ULK4: variants seen among roughly 807,000 people sequenced by gnomAD.
The protein encoded by ULK4 is unc-51 like kinase 4.
ULK4 carries 133 observed loss-of-function variants against 160.6 expected under a neutral mutation model. That is an observed-to-expected ratio of 0.83 (90% CI 0.72 to 0.96). The LOEUF (loss-of-function observed/expected upper bound fraction) is 0.96. Ranked by LOEUF, ULK4 falls within the 40% of genes least tolerant of loss-of-function variation. The probability of loss-of-function intolerance (pLI) is 0.00; values close to 1 mark genes in which losing one functional copy is unlikely to be tolerated. For missense variants in ULK4, 1,580 were observed against 1,499.5 expected, an observed-to-expected ratio of 1.05 and a Z score of -0.89; for synonymous variants, 534 against 539.8, an observed-to-expected ratio of 0.99 and a Z score of 0.15.
chr3:41,488,090 T>C (rs1219753702), intron 32 of ULK4, among the ~76,000 whole-genome samples: 3 of 152,192 alleles, frequency 2.0e-5, no homozygotes, highest in Non-Finnish European at 4.4e-5. Context: ...TAGAAATACA[T>C]GCAAGGCATA....
At chr3:41,830,348 C>A (rs1438641697) in intron 18 of ULK4, among the ~76,000 whole-genome samples, 1 of 151,790 alleles carries the variant, frequency 6.6e-6, no homozygotes, top group Non-Finnish European at 1.5e-5. Context: ...ACTTTTAGAT[C>A]TAGTAGGAAC....
intron 32 of ULK4, among the ~76,000 whole-genome samples, chr3:41,524,313 G>C (rs34845043): frequency 0.15 from 23,178 of 152,188 alleles, 1,891 homozygotes; most frequent in Admixed American, 0.2. Context: ...CTGTATGGTA[G>C]TGAAAGTACA....
rs147984390 is a variant in ULK4 at position 41,826,795 on chromosome 3, T to C, written c.1765-7289A>G. ...GATATCCAGGAATTGAACACAGCTA[T>C]GCACCAAGCGGACCTAATAGACATC... is the stretch of plus-strand genomic sequence containing the variant. On this transcript the variant is annotated intron_variant, in intron 18 of 36. Transcript: ENST00000301831. 6.3e-3 allele frequency among the ~76,000 whole-genome samples: 918 copies of C among 145,986 alleles called. 5 individuals are homozygous for C. The highest frequency in any genetic ancestry group is 8.1e-3 in the Non-Finnish European group (546 of 67,254).
At chr3:41,853,824 G>C (rs2042271935) in intron 17 of ULK4, among the ~76,000 whole-genome samples, 1 of 152,116 alleles carries the variant, frequency 6.6e-6, no homozygotes, top group South Asian at 2.1e-4. Context: ...GCTTCACCTA[G>C]GGCCTAATTG....
intron 34 of ULK4, among the ~76,000 whole-genome samples, chr3:41,438,702 A>C (rs1287195969): frequency 6.6e-6 from 1 of 151,948 alleles, no homozygotes; most frequent in African/African-American, 2.4e-5. Flanking sequence ...TGGTGCATGC[A>C]TGTAGTCCCA....
chr3:41,903,826 C>A (rs1009229530), intron 12 of ULK4, among the ~76,000 whole-genome samples: 1 of 151,698 alleles, frequency 6.6e-6, no homozygotes, highest in African/African-American at 2.4e-5. Context: ...TCCCTTGTTT[C>A]AAAATGAACA....
chr3:41,772,872 A>C lies in ULK4; in HGVS notation c.2193+16789T>G, dbSNP rs538945352. Among the ~76,000 whole-genome samples, 200 of 152,334 alleles carry C rather than the reference A, an allele frequency of 1.3e-3. 1 individual carries two copies. Among genetic ancestry groups the C allele is most frequent in the African/African-American group, 4.8e-3 (200 of 41,574 alleles). ...CAGCACATCAAAAAGCTTATCCACC[A>C]TGATCAAGTGGGCTTCATCCCTGGG... is the stretch of plus-strand genomic sequence containing the variant. On this transcript the variant is annotated intron_variant, in intron 21 of 36. Coordinates refer to ENST00000301831, the MANE Select transcript of ULK4 (RefSeq NM_017886.4).
chr3:41,665,319 G>C (rs2035318594), intron 29 of ULK4, among the ~76,000 whole-genome samples: 1 of 152,098 alleles, frequency 6.6e-6, no homozygotes, highest in South Asian at 2.1e-4. Flanking sequence ...TGAATTGTAA[G>C]AAGTAGGACT....
At chr3:41,911,242 G>A in intron 11 of ULK4, 75 bp downstream of exon 11, 1 of 1,393,234 alleles carries the variant, frequency 7.2e-7, no homozygotes, top group Non-Finnish European at 1.0e-6. Flanking sequence ...AACAAAGTTT[G>A]CACCAAGATA....
chr3:41,661,487 AGATAGACAGATAGATAGATAGAT>A (rs2125758445), intron 30 of ULK4, among the ~76,000 whole-genome samples: 1 of 136,194 alleles, frequency 7.3e-6, no homozygotes, highest in African/African-American at 3.8e-5. Context: ...ATAGGCAGGC[AGATAGACAGATAGATAGATAGAT>A]GATAGATAGA....
At chr3:41,251,570 C>A (rs1184484349) in intron 35 of ULK4, among the ~76,000 whole-genome samples, 3 of 152,164 alleles carry the variant, frequency 2.0e-5, no homozygotes, top group Non-Finnish European at 4.4e-5. Context: ...CTAGAAGAAA[C>A]CCAGCTTGAG....
intron 1 of ULK4, among the ~76,000 whole-genome samples, chr3:41,956,423 T>G (rs559779443): frequency 6.6e-6 from 1 of 152,316 alleles, no homozygotes; most frequent in East Asian, 1.9e-4. Context: ...AAATCCCTGC[T>G]TTCATGCTTT....
In ULK4 at chr3:41,907,852, AGAG is replaced by A. The variant is rs1391544864; in HGVS notation, c.1172_1174del (p.Pro391del). On this transcript the variant is annotated inframe_deletion, in exon 12 of 37. Transcript: ENST00000301831. Reference sequence around the variant, plus strand: ...TTTCCCAAGTCTGCTCACCTTGGTCAGAGGAGAAGTCTTCTGTGGTGAACAGTG... The same window carrying A: ...TTTCCCAAGTCTGCTCACCTTGGTCAGAGAAGTCTTCTGTGGTGAACAGTG... The A allele has an allele frequency of 3.2e-6, 5 of 1,579,146 alleles. No individual in the cohort carries two copies. The highest frequency in any genetic ancestry group is 4.3e-6 in the Non-Finnish European group (5 of 1,165,124).
intron 35 of ULK4, among the ~76,000 whole-genome samples, chr3:41,344,752 C>CAAAAA (rs59466358): frequency 4.8e-5 from 3 of 62,828 alleles, no homozygotes; most frequent in African/African-American, 1.2e-4. Context: ...GACTCTGTCT[C>CAAAAA]AAAAAAAAAA....
rs148500261 is a variant in ULK4 at position 41,709,375 on chromosome 3, A to C, written c.2635-4070T>G. Reference sequence around the variant, plus strand: ...ACAAATAAACAAAATGGACTTTAAAATGGAGTTTGTTTGGTTTTGTTTTGT... The same window carrying C: ...ACAAATAAACAAAATGGACTTTAAACTGGAGTTTGTTTGGTTTTGTTTTGT... On this transcript the variant is annotated intron_variant, in intron 25 of 36. Coordinates refer to ENST00000301831, the MANE Select transcript of ULK4 (RefSeq NM_017886.4). Among the ~76,000 whole-genome samples, 1,300 of 152,220 alleles carry C rather than the reference A, an allele frequency of 8.5e-3. 70 individuals carry two copies. The highest frequency in any genetic ancestry group is 0.077 in the Admixed American group (1,175 of 15,282).
At chr3:41,928,603 A>G (rs1260334890) in intron 5 of ULK4, among the ~76,000 whole-genome samples, 1 of 151,354 alleles carries the variant, frequency 6.6e-6, no homozygotes, top group African/African-American at 2.4e-5. Flanking sequence ...ATAGACCACT[A>G]GCAAGACTAA....
intron 19 of ULK4, among the ~76,000 whole-genome samples, chr3:41,809,098 T>A (rs1454415770): frequency 6.8e-6 from 1 of 148,018 alleles, no homozygotes; most frequent in African/African-American, 2.5e-5. Context: ...CCCAGGAGGC[T>A]GAGGTTGCAG....
At chr3:41,271,079 G>C (rs964264905) in intron 35 of ULK4, among the ~76,000 whole-genome samples, 3 of 152,128 alleles carry the variant, frequency 2.0e-5, no homozygotes, top group Non-Finnish European at 4.4e-5. Context: ...CTTTACTGAA[G>C]TTTAACTGAC....
At position 41,931,528 on chromosome 3, in the gene ULK4, A is replaced by G. The variant is rs578193696; in HGVS notation, c.541+316T>C. On this transcript the variant is annotated intron_variant, in intron 5 of 36. Coordinates refer to ENST00000301831, the MANE Select transcript of ULK4 (RefSeq NM_017886.4). ...TCAACTGCAGAATATCATTCACTCA[A>G]CTAATTTCTATTGAGCCGCTAATGT... Among the ~76,000 whole-genome samples the G allele has an allele frequency of 3.3e-5, 5 of 152,052 alleles. No homozygotes were observed. In the South Asian group the frequency reaches 6.2e-4, roughly 19 times the overall value.
Sources: gnomAD v4.1 joint callset for allele counts (sites outside exome capture counted in the v4.1 genomes callset) on GRCh38, gnomAD v4.1.1 for gene constraint, MANE v1.5 for transcripts, NCBI Gene and HGNC (gene_info 2026-07-23, HGNC 2026-07-21) for gene names.